The following NEDD9 variants were observed in gnomAD, a reference collection of about 807,000 sequenced individuals.
NEDD9 encodes neural precursor cell expressed, developmentally down-regulated 9, also known as enhancer of filamentation 1.
In NEDD9, 26 loss-of-function variants were observed where a neutral mutation model predicts 76.6. That is an observed-to-expected ratio of 0.34 (90% CI 0.25 to 0.47). The LOEUF (loss-of-function observed/expected upper bound fraction) is 0.47, where lower values mean the gene tolerates loss of function less well. Among genes scored for constraint, NEDD9 ranks in the 20% least tolerant of loss-of-function variants. The pLI is 1.00. For missense variants in NEDD9, 937 were observed against 1,058.5 expected (o/e 0.89, Z 1.59); for synonymous variants, 392 against 414.2 (o/e 0.95, Z 0.65).
intron 3 of NEDD9, among the ~76,000 whole-genome samples, chr6:11,266,135 G>A (rs1289172357): frequency 1.3e-5 from 2 of 152,172 alleles, no homozygotes; most frequent in Non-Finnish European, 2.9e-5. Context: ...CTTGTCCTCA[G>A]TGCAATCTAT....
In NEDD9 at chr6:11,232,652, G is replaced by C. The variant is rs1277853543; in HGVS notation, c.-137C>G. On this transcript the variant is annotated 5_prime_UTR_variant, in exon 1 of 7. Transcript: ENST00000379446. ...GGCAGAGCCGCTTGTCAGTCGCAGC[G>C]CCTCCCTCAAGTCTCTGAGCTCACT... The C allele has an allele frequency of 1.9e-6, 3 of 1,553,188 alleles. No homozygotes were observed. The highest frequency in any genetic ancestry group is 2.6e-6 in the Non-Finnish European group (3 of 1,152,750).
chr6:11,258,708 T>C (rs1760053212), intron 3 of NEDD9: 1 of 152,164 alleles, frequency 6.6e-6, no homozygotes, highest in Non-Finnish European at 1.5e-5. Context: ...CCCCAGAGGG[T>C]AATGTCCATT....
intron 1 of NEDD9, among the ~76,000 whole-genome samples, chr6:11,355,703 T>C (rs1238799258): frequency 6.6e-6 from 1 of 151,700 alleles, no homozygotes; most frequent in African/African-American, 2.4e-5. Flanking sequence ...ACCATATTTT[T>C]GAGAGCTTTA....
At chr6:11,372,243 C>T (rs1762891751) in intron 1 of NEDD9, among the ~76,000 whole-genome samples, 2 of 150,482 alleles carry the variant, frequency 1.3e-5, no homozygotes, top group Non-Finnish European at 2.9e-5. Flanking sequence ...TAAGTGAGAA[C>T]ATGTGAAATT....
At chr6:11,318,510 C>T (rs1311901566) in intron 2 of NEDD9, among the ~76,000 whole-genome samples, 5 of 152,082 alleles carry the variant, frequency 3.3e-5, no homozygotes, top group Admixed American at 3.3e-4. Flanking sequence ...TTAGAATTCA[C>T]CTTCAGACTT....
intron 1 of NEDD9, among the ~76,000 whole-genome samples, chr6:11,336,252 C>T (rs998832556): frequency 3.9e-5 from 6 of 152,192 alleles, no homozygotes; most frequent in South Asian, 2.1e-4. Flanking sequence ...TGCCACTTGA[C>T]GATGGGGACG....
Position 11,222,071 on chromosome 6 carries a change from C to A in NEDD9, c.13-8344G>T, listed in dbSNP as rs138070500. ...CAAAAATGATGTCATTTCTCAAAGT[C>A]AAAATGCACAAGTTATAACATCTGA... On this transcript the variant is annotated intron_variant, in intron 1 of 6. Coordinates refer to ENST00000379446, the MANE Select transcript of NEDD9 (RefSeq NM_006403.4). Among the ~76,000 whole-genome samples, 695 of 152,226 alleles carry A rather than the reference C, an allele frequency of 4.6e-3. 6 individuals are homozygous for A. The highest frequency in any genetic ancestry group is 0.016 in the African/African-American group (681 of 41,544).
At chr6:11,379,024 T>C (rs1002604703) in intron 1 of NEDD9, among the ~76,000 whole-genome samples, 2 of 152,160 alleles carry the variant, frequency 1.3e-5, no homozygotes, top group African/African-American at 4.8e-5. Flanking sequence ...AAAGTGAAGT[T>C]GTATATTTTG....
chr6:11,250,004 G>A (rs1488934410), intron 3 of NEDD9, among the ~76,000 whole-genome samples: 1 of 152,216 alleles, frequency 6.6e-6, no homozygotes, highest in African/African-American at 2.4e-5. Flanking sequence ...CTGGACCATG[G>A]CTGTCTGGGT....
intron 2 of NEDD9, among the ~76,000 whole-genome samples, chr6:11,195,989 C>T (rs994553575): frequency 2.0e-5 from 3 of 151,178 alleles, no homozygotes; most frequent in African/African-American, 7.3e-5. Context: ...AGTGAAACTC[C>T]GTCTCAAAAA....
Position 11,213,161 on chromosome 6 carries a change from T to C in NEDD9, c.459+120A>G, listed in dbSNP as rs1758836746. On this transcript the variant is annotated intron_variant, in intron 2 of 6. Coordinates refer to ENST00000379446, the MANE Select transcript of NEDD9 (RefSeq NM_006403.4). This position sits in a 1 kb window ranked among gnomAD's most constrained non-coding sequence, Gnocchi z 5.4. ...CAAACATGATGCCTGAGCTAAGGTA[T>C]TGGTTATATCTACTTCTTGGCAGCT... 1.1e-6 allele frequency: 1 copy of C among 908,990 alleles called. No homozygotes were observed. The highest frequency in any genetic ancestry group is 1.7e-6 in the Non-Finnish European group (1 of 605,998). 56.3% of individuals were successfully genotyped at this position (908,990 alleles called of 1,614,324 possible).
intron 2 of NEDD9, among the ~76,000 whole-genome samples, chr6:11,212,078 C>T (rs1758800848): frequency 6.6e-6 from 1 of 152,170 alleles, no homozygotes; most frequent in African/African-American, 2.4e-5. Flanking sequence ...TAGATATTCC[C>T]TAATTTACAG....
At chr6:11,227,400 C>T (rs184541921) in intron 1 of NEDD9, among the ~76,000 whole-genome samples, 1 of 152,294 alleles carries the variant, frequency 6.6e-6, no homozygotes, top group East Asian at 1.9e-4. Context: ...TATCCCAGGT[C>T]TTCGAATAGT....
At chr6:11,200,403 C>T in intron 2 of NEDD9, 1 of 697,794 alleles carries the variant, frequency 1.4e-6, no homozygotes, top group Non-Finnish European at 2.0e-6. Context: ...ATAGGCTTCA[C>T]ATTATTTCTA....
At chr6:11,322,108 T>G (rs924245776) in intron 2 of NEDD9, among the ~76,000 whole-genome samples, 13 of 152,000 alleles carry the variant, frequency 8.6e-5, no homozygotes, top group African/African-American at 3.1e-4. Context: ...TTCTCACTCA[T>G]AAGTGGGAGC....
chr6:11,369,757 T>G (rs1762829903), intron 1 of NEDD9, among the ~76,000 whole-genome samples: 1 of 152,272 alleles, frequency 6.6e-6, no homozygotes, highest in Non-Finnish European at 1.5e-5. Flanking sequence ...GCTTTGTATT[T>G]GATTCACATC....
chr6:11,233,068 C>G (rs1282756102), upstream of NEDD9, among the ~76,000 whole-genome samples: 2 of 152,164 alleles, frequency 1.3e-5, no homozygotes, highest in Non-Finnish European at 2.9e-5. Flanking sequence ...CTCACAATCT[C>G]TACATGAAAC....
At position 11,304,952 on chromosome 6, in the gene NEDD9, T is replaced by C. The variant is rs1052332253; in HGVS notation, c.12+1040A>G. ...CACATGTACCCTAGAACTTAAAATA[T>C]AATTAAAAAAACCCACAGTGATATG... On this transcript the variant is annotated intron_variant, in intron 3 of 3. Transcript: ENST00000397378. 3 of 596,318 alleles carry C rather than the reference T, an allele frequency of 5.0e-6. No individual in the cohort carries two copies. In the African/African-American group the frequency reaches 5.9e-5, roughly 12 times the overall value. 36.9% of individuals were successfully genotyped at this position (596,318 alleles called of 1,614,324 possible).
chr6:11,252,732 G>GA lies in NEDD9; in HGVS notation c.13-39006dup, dbSNP rs375886404. Among the ~76,000 whole-genome samples the GA allele has an allele frequency of 1.0e-3, 143 of 141,848 alleles. 2 individuals carry two copies. In the South Asian group the frequency reaches 0.023, roughly 23 times the overall value. The allele number at this position is 141,848 out of a possible 152,430, so 93.1% of individuals were successfully genotyped here. On this transcript the variant is annotated intron_variant, in intron 3 of 3. Coordinates refer to the NEDD9 transcript ENST00000397378. This position sits in a 1 kb window ranked among gnomAD's most constrained non-coding sequence, Gnocchi z 4.3. ...CCTAGCCTGCAGTTTCATTTTCCCA[G>GA]AAAAAAAAAACAACTCTGTCTCTTA... is the stretch of plus-strand genomic sequence containing the variant.
Sources: gnomAD v4.1 joint callset for allele counts (sites outside exome capture counted in the v4.1 genomes callset) on GRCh38, gnomAD v4.1.1 for gene constraint, Gnocchi (gnomAD v3.1) non-coding constraint, MANE v1.5 for transcripts, NCBI Gene and HGNC (gene_info 2026-07-23, HGNC 2026-07-21) for gene names.